Variants in ELK3 observed in about 807,000 individuals in gnomAD.
ELK3 encodes the protein ETS domain-containing protein Elk-3.
A neutral mutation model predicts 28.9 loss-of-function variants in ELK3; 10 were observed. That is an observed-to-expected ratio of 0.35 (90% CI 0.21 to 0.59). ELK3 has a LOEUF of 0.59. ELK3 is among the 20% of genes least tolerant of loss of function. The pLI, the probability that ELK3 is intolerant of heterozygous loss-of-function variation, is 0.82. For synonymous variants in ELK3, 272 were observed against 243.5 expected (o/e 1.12, Z -1.09); for missense variants, 463 against 517.3 (o/e 0.90, Z 1.02).
intron 2 of ELK3, among the ~76,000 whole-genome samples, chr12:96,233,531 T>C (rs1415350280): frequency 1.3e-5 from 2 of 152,230 alleles, no homozygotes; most frequent in African/African-American, 4.8e-5. Flanking sequence ...AACCTATTCC[T>C]GGAATTAGAA....
chr12:96,263,967 G>T (rs1280403784), intron 4 of ELK3, among the ~76,000 whole-genome samples: 4 of 152,108 alleles, frequency 2.6e-5, no homozygotes, highest in African/African-American at 9.7e-5. Flanking sequence ...GGAACAGGAA[G>T]ATAAGAGGAA....
chr12:96,225,454 C>T (rs1272149645), intron 2 of ELK3, among the ~76,000 whole-genome samples: 2 of 152,242 alleles, frequency 1.3e-5, no homozygotes, highest in Non-Finnish European at 2.9e-5. Context: ...ATTTTAAAAT[C>T]TCTAGAGAGA....
chr12:96,243,329 G>T (rs74485638), intron 2 of ELK3, among the ~76,000 whole-genome samples: 7,883 of 152,056 alleles, frequency 0.052, 249 homozygotes, highest in Non-Finnish European at 0.068. Context: ...CTACTTTCTG[G>T]TTTTTTGTAT....
At chr12:96,199,480 CTGTGTGTGTGTGTGTGTGTGTG>C (rs10678770) in intron 1 of ELK3, among the ~76,000 whole-genome samples, 1 of 146,384 alleles carries the variant, frequency 6.8e-6, no homozygotes, top group African/African-American at 2.5e-5. Context: ...ATAAAATTAG[CTGTGTGTGTGTGTGTGTGTGTG>C]TGTGTGTGTG....
chr12:96,194,902 C>T (rs1951451512), intron 1 of ELK3, among the ~76,000 whole-genome samples, 197 bp downstream of exon 1: 1 of 145,464 alleles, frequency 6.9e-6, no homozygotes, highest in African/African-American at 2.5e-5. Flanking sequence ...GCGGATGCTC[C>T]TGCGCCCGCG....
rs191512983 is a variant in ELK3, at chr12:96,236,121, G to A, written c.208-10819G>A. Among the ~76,000 whole-genome samples, 10 of 152,210 alleles carry A rather than the reference G, an allele frequency of 6.6e-5. No homozygotes were observed. The South Asian group carries it at 1.0e-3, about 16-fold the overall frequency. On this transcript the variant is annotated intron_variant, in intron 2 of 4. Coordinates refer to ENST00000228741, the MANE Select transcript of ELK3 (RefSeq NM_005230.4). ...GATTACAGGTGTAAGCCACCACCCC[G>A]CCTGAGCAGCTTTATGTTCTATGTT... is the stretch of plus-strand genomic sequence containing the variant.
At chr12:96,264,641 C>G (rs1952016609) in intron 4 of ELK3, among the ~76,000 whole-genome samples, 1 of 152,004 alleles carries the variant, frequency 6.6e-6, no homozygotes, top group Non-Finnish European at 1.5e-5. Context: ...AAAAATTGGC[C>G]ACGTGTGCTG....
chr12:96,234,314 T>C (rs1261889465), intron 2 of ELK3, among the ~76,000 whole-genome samples: 2 of 152,212 alleles, frequency 1.3e-5, no homozygotes, highest in Non-Finnish European at 2.9e-5. Flanking sequence ...GGGGCTCGGC[T>C]GCCAAAGCTC....
intron 3 of ELK3, among the ~76,000 whole-genome samples, chr12:96,259,214 A>T (rs1266232486): frequency 6.6e-6 from 1 of 152,188 alleles, no homozygotes; most frequent in Non-Finnish European, 1.5e-5. Flanking sequence ...ATGTGTCAAT[A>T]CCTTTTTCCT....
Position 96,204,207 on chromosome 12 carries a change from A to G in ELK3, c.-3+9502A>G, listed in dbSNP as rs185085155. Among the ~76,000 whole-genome samples the G allele has an allele frequency of 4.1e-3, 624 of 152,296 alleles. 4 individuals carry two copies. The highest frequency in any genetic ancestry group is 6.8e-3 in the Middle Eastern group (2 of 294). ...TAGAATTAATCATTGTAGAGCAACC[A>G]TCATTAGTCCTTTATTAAAGACTTC... On this transcript the variant is annotated intron_variant, in intron 1 of 4. Transcript: ENST00000228741.
chr12:96,232,838 C>T (rs182864554), intron 2 of ELK3, among the ~76,000 whole-genome samples: 26 of 151,858 alleles, frequency 1.7e-4, no homozygotes, highest in African/African-American at 2.7e-4. Context: ...CATGGTTGTG[C>T]GCACCTGTAG....
intron 1 of ELK3, among the ~76,000 whole-genome samples, chr12:96,204,900 T>C (rs570628732): frequency 1.3e-5 from 2 of 152,372 alleles, no homozygotes; most frequent in Admixed American, 6.5e-5. Flanking sequence ...GGCTCGCCTT[T>C]AGAGGCTCAG....
chr12:96,220,999 G>A (rs1018718569), intron 1 of ELK3, among the ~76,000 whole-genome samples: 1 of 152,168 alleles, frequency 6.6e-6, no homozygotes, highest in Non-Finnish European at 1.5e-5. Context: ...TAGCACAGGA[G>A]GAAAAGTGCC....
At chr12:96,239,458 T>C (rs1951805732) in intron 2 of ELK3, among the ~76,000 whole-genome samples, 1 of 152,154 alleles carries the variant, frequency 6.6e-6, no homozygotes, top group African/African-American at 2.4e-5. Flanking sequence ...GGATATAACC[T>C]CACTGTCCAG....
At chr12:96,218,932 G>A (rs1001222979) in intron 1 of ELK3, among the ~76,000 whole-genome samples, 1 of 152,214 alleles carries the variant, frequency 6.6e-6, no homozygotes, top group African/African-American at 2.4e-5. Flanking sequence ...ACAGGCGTGA[G>A]CCACCGCGCC....
chr12:96,209,640 AAAT>A (rs1472327479), intron 1 of ELK3, among the ~76,000 whole-genome samples: 4 of 152,240 alleles, frequency 2.6e-5, no homozygotes, highest in Non-Finnish European at 4.4e-5. Flanking sequence ...TAAAGTAAGT[AAAT>A]AAACATTTTC....
intron 1 of ELK3, among the ~76,000 whole-genome samples, chr12:96,213,086 A>G (rs1210155499): frequency 6.6e-6 from 1 of 152,212 alleles, no homozygotes; most frequent in South Asian, 2.1e-4. Flanking sequence ...ATAGCTGTTT[A>G]TGTGTTGTGG....
intron 1 of ELK3, among the ~76,000 whole-genome samples, chr12:96,201,805 T>A (rs575551545): frequency 6.6e-6 from 1 of 152,242 alleles, no homozygotes; most frequent in Non-Finnish European, 1.5e-5. Context: ...AAAAGGGGGA[T>A]CTCCATAAGT....
intron 1 of ELK3, chr12:96,222,940 CGGAGCA>C (rs1338497080): frequency 6.5e-6 from 1 of 154,138 alleles, no homozygotes; most frequent in East Asian, 1.9e-4. Context: ...GTCACATGGC[CGGAGCA>C]AGAGCAAGAA....
Sources: allele counts gnomAD v4.1 joint callset (sites outside exome capture counted in the v4.1 genomes callset), GRCh38; gene constraint gnomAD v4.1.1; transcripts MANE v1.5; gene names NCBI Gene and HGNC (gene_info 2026-07-23, HGNC 2026-07-21).